Variants in CCNT2 observed in about 807,000 individuals in gnomAD.
CCNT2 encodes the protein cyclin-T2.
In CCNT2, 18 loss-of-function variants were observed where a neutral mutation model predicts 70.0. The ratio of observed to expected loss-of-function variants is 0.26; its 90% CI spans 0.18 to 0.38. The LOEUF (loss-of-function observed/expected upper bound fraction) is 0.38, where lower values mean the gene tolerates loss of function less well. CCNT2 is among the 10% of genes least tolerant of loss of function. The pLI is 1.00. For synonymous variants in CCNT2, 334 were observed against 313.3 expected (o/e 1.07, Z -0.70); for missense variants, 734 against 890.2 (o/e 0.82, Z 2.23).
At chr2:134,942,004 C>G (rs1681618778) in intron 4 of CCNT2, among the ~76,000 whole-genome samples, 1 of 152,044 alleles carries the variant, frequency 6.6e-6, no homozygotes, top group African/African-American at 2.4e-5. Flanking sequence ...GAAACCCTGC[C>G]ACACCTAAGG....
At position 134,954,466 on chromosome 2, in the gene CCNT2, C is replaced by T; in HGVS notation, c.2011C>T (p.Pro671Ser). 4 of 1,614,208 alleles carry T rather than the reference C, an allele frequency of 2.5e-6. No homozygotes were observed. Among genetic ancestry groups the T allele is most frequent in the Non-Finnish European group, 3.4e-6 (4 of 1,180,040 alleles). Residue 671 changes from proline to serine, a missense_variant, in exon 9 of 9, where the codon CCT (proline) becomes TCT (serine). Around this residue, in one of 3 missense-constraint regions of CCNT2, gnomAD observed 532 missense variants for 556.9 expected, o/e 0.96. Transcript: ENST00000264157. ...VFNHPLPPPP[P>S]VTYQVGYGHL... ...TAACCATCCCTTACCCCCTCCTCCC[C>T]CTGTCACATACCAGGTGGGCTACGG...
chr2:134,932,263 A>C lies in CCNT2; in HGVS notation c.241-4578A>C, dbSNP rs187070945. 8.5e-3 allele frequency among the ~76,000 whole-genome samples: 1,295 copies of C among 152,232 alleles called. 17 individuals carry two copies. Among genetic ancestry groups the C allele is most frequent in the African/African-American group, 0.03 (1,236 of 41,548 alleles). ...TGATCCGCCCGTCTTGGCATCCCGAAGTGCTGGGATTACAGGCATGAGCCA... is the reference window on the plus strand; with the variant it reads ...TGATCCGCCCGTCTTGGCATCCCGACGTGCTGGGATTACAGGCATGAGCCA... On this transcript the variant is annotated intron_variant, in intron 2 of 8. Coordinates refer to ENST00000264157, the MANE Select transcript of CCNT2 (RefSeq NM_058241.3).
chr2:134,939,032 A>T lies in CCNT2; in HGVS notation c.400A>T (p.Ile134Leu), dbSNP rs1681367405. The change falls in exon 4 of 9, where the codon ATA (isoleucine) becomes TTA (leucine). Residue 134 changes from isoleucine to leucine, a missense_variant. Ile to Leu is a conservative substitution (Grantham distance 5). This residue lies in a region of CCNT2 where 161 missense variants were observed against 303.8 expected (regional missense o/e 0.53). Coordinates refer to ENST00000264157, the MANE Select transcript of CCNT2 (RefSeq NM_058241.3). ...CCTTCAACAGACTCAAGAACTGGTT[A>T]TACTTGAAACCATAATGCTACAAAC... ...AYLQQTQELV[I>L]LETIMLQTLG... 1 of 1,611,118 alleles carries T rather than the reference A, an allele frequency of 6.2e-7. No individual in the cohort carries two copies. The highest frequency in any genetic ancestry group is 2.2e-5 in the East Asian group (1 of 44,730).
At chr2:134,935,372 A>G (rs1681071874) in intron 2 of CCNT2, among the ~76,000 whole-genome samples, 1 of 152,230 alleles carries the variant, frequency 6.6e-6, no homozygotes, top group African/African-American at 2.4e-5. Flanking sequence ...CACATCTGCA[A>G]ATGCAGTTGG....
chr2:134,945,895 G>A (rs1031029790), intron 5 of CCNT2: 5 of 1,517,682 alleles, frequency 3.3e-6, no homozygotes, highest in Non-Finnish European at 2.6e-6. Context: ...TCAGATCTTT[G>A]GGGGATAGCA....
At chr2:134,948,586 G>A (rs562378049) in intron 7 of CCNT2, among the ~76,000 whole-genome samples, 1 of 152,272 alleles carries the variant, frequency 6.6e-6, no homozygotes, top group East Asian at 1.9e-4. Flanking sequence ...AATTAGGAAC[G>A]TGGAATTTTG....
chr2:134,957,385 G>A lies in CCNT2; in HGVS notation c.*2737G>A, dbSNP rs13391608. 4.6e-5 allele frequency: 7 copies of A among 152,066 alleles called. No individual in the cohort carries two copies. The highest frequency in any genetic ancestry group is 8.8e-5 in the Non-Finnish European group (6 of 67,994). 9.4% of individuals were successfully genotyped at this position (152,066 alleles called of 1,614,324 possible). ...AAAAAAATATTTGAAATATTAAAAA[G>A]CATTATCTTTAAACATCCTATAAAA... On this transcript the variant is annotated 3_prime_UTR_variant, in exon 9 of 9. Transcript: ENST00000264157.
Position 134,923,782 on chromosome 2 carries a change from C to T in CCNT2, c.240+3891C>T, listed in dbSNP as rs1005618695. Among the ~76,000 whole-genome samples the T allele has an allele frequency of 6.6e-5, 10 of 152,322 alleles. 1 individual carries two copies. Among genetic ancestry groups the T allele is most frequent in the East Asian group, 1.9e-4 (1 of 5,192 alleles). ...GACTTGTCCGAAATTAAAACTATTA[C>T]GTGGCTGGGATTTGAACCCAAGTCC... On this transcript the variant is annotated intron_variant, in intron 2 of 8. Transcript: ENST00000264157.
intron 2 of CCNT2, among the ~76,000 whole-genome samples, chr2:134,929,522 C>T (rs1011733398): frequency 6.6e-6 from 1 of 150,652 alleles, no homozygotes; most frequent in South Asian, 2.1e-4. Context: ...GCAGGAAAAT[C>T]GCTTGAGCCC....
In CCNT2 at chr2:134,957,038, A is replaced by G. The variant is rs1428653958; in HGVS notation, c.*2390A>G. 2.6e-5 allele frequency: 4 copies of G among 152,636 alleles called. No individual in the cohort carries two copies. The highest frequency in any genetic ancestry group is 5.9e-5 in the Non-Finnish European group (4 of 68,016). The allele number at this position is 152,636 out of a possible 1,614,324, so 9.5% of individuals were successfully genotyped here. A position where few individuals can be genotyped will look rare whatever the true frequency, so the allele number is the denominator to read the frequency against. On this transcript the variant is annotated 3_prime_UTR_variant, in exon 9 of 9. Coordinates refer to ENST00000264157, the MANE Select transcript of CCNT2 (RefSeq NM_058241.3). ...TTTTACAGGATTGTGTGAGCTATTC[A>G]AACTCTTCAACCCCTGAACAGGGTA...
intron 7 of CCNT2, among the ~76,000 whole-genome samples, chr2:134,952,277 A>C (rs958382445): frequency 3.3e-5 from 5 of 152,174 alleles, no homozygotes; most frequent in African/African-American, 1.2e-4. Context: ...TTTTTCCTCA[A>C]ACTTTTGTCC....
chr2:134,942,420 A>C (rs1329160342), intron 4 of CCNT2, among the ~76,000 whole-genome samples, 192 bp from the exon 5 acceptor site: 1 of 152,094 alleles, frequency 6.6e-6, no homozygotes, highest in African/African-American at 2.4e-5. Flanking sequence ...TTTTAACTTT[A>C]TTTTCATAAT....
chr2:134,945,137 A>C (rs998055690), intron 5 of CCNT2: 11 of 985,326 alleles, frequency 1.1e-5, no homozygotes, highest in Admixed American at 6.1e-5. Context: ...CAACTCTGCT[A>C]AACCCCAATC....
chr2:134,931,016 G>A (rs1680711693), intron 2 of CCNT2, among the ~76,000 whole-genome samples: 1 of 150,462 alleles, frequency 6.6e-6, no homozygotes, highest in Non-Finnish European at 1.5e-5. Flanking sequence ...AGGCTGGAGT[G>A]CAGTGGCGCC....
At chr2:134,930,878 TC>T (rs1235653712) in intron 2 of CCNT2, among the ~76,000 whole-genome samples, 5 of 152,320 alleles carry the variant, frequency 3.3e-5, no homozygotes, top group Admixed American at 6.5e-5. Context: ...ATTTGTCTTT[TC>T]TTCCAAGAGT....
At chr2:134,949,804 G>GA (rs949161975) in intron 7 of CCNT2, among the ~76,000 whole-genome samples, 1 of 137,612 alleles carries the variant, frequency 7.3e-6, no homozygotes, top group Non-Finnish European at 1.6e-5. Flanking sequence ...TTTTTTTTCG[G>GA]GGGGGGGGTG....
chr2:134,944,945 G>C, intron 5 of CCNT2: 2 of 985,216 alleles, frequency 2.0e-6, no homozygotes, highest in South Asian at 9.4e-5. Flanking sequence ...AAATAAATTT[G>C]ATTTCTGTGA....
At chr2:134,919,744 C>A in intron 1 of CCNT2, 66 bp from the exon 2 acceptor site, 1 of 1,242,672 alleles carries the variant, frequency 8.0e-7, no homozygotes, top group Non-Finnish European at 1.2e-6. Flanking sequence ...TGGGAATTTT[C>A]CATCAAAATT....
At position 134,954,262 on chromosome 2, in the gene CCNT2, G is replaced by A. The variant is rs1303165369; in HGVS notation, c.1807G>A (p.Val603Ile). 1 of 1,614,198 alleles carries A rather than the reference G, an allele frequency of 6.2e-7. No individual in the cohort carries two copies. The highest frequency in any genetic ancestry group is 8.5e-7 in the Non-Finnish European group (1 of 1,180,026). ...ACCACCCACTGTTCTGAGGAGTCCT[G>A]TTGGCCTGAGCAGTGATGGCATTTC... Reference protein sequence around the residue: ...GIPPTVLRSPVGLSSDGISSS... With the variant: ...GIPPTVLRSPIGLSSDGISSS... Residue 603 changes from valine (V) to isoleucine (I), a missense_variant, in exon 9 of 9, where the codon GTT becomes ATT. Val to Ile is a conservative substitution (Grantham distance 29, BLOSUM62 3). Transcript: ENST00000264157.
Sources: gnomAD v4.1 joint callset for allele counts (sites outside exome capture counted in the v4.1 genomes callset) on GRCh38, gnomAD v4.1.1 for gene constraint, gnomAD v4.1.1 regional missense constraint, MANE v1.5 for transcripts, NCBI Gene and HGNC (gene_info 2026-07-23, HGNC 2026-07-21) for gene names.